Variants in DMD observed in about 807,000 individuals in gnomAD.
The protein encoded by DMD is mutant dystrophin.
In DMD, 63 loss-of-function variants were observed where a neutral mutation model predicts 330.1. The ratio of observed to expected loss-of-function variants is 0.19; its 90% CI spans 0.16 to 0.24. The LOEUF (loss-of-function observed/expected upper bound fraction) is 0.24, where lower values mean the gene tolerates loss of function less well. Among genes scored for constraint, DMD ranks in the 10% least tolerant of loss-of-function variants. DMD has a pLI of 1.00. For missense variants in DMD, 3,344 were observed against 2,684.1 expected (o/e 1.25, Z -5.43); for synonymous variants, 1,223 against 959.8 (o/e 1.27, Z -5.07).
intron 52 of DMD, among the ~76,000 whole-genome samples, chrX:31,712,305 T>C (rs769684328): frequency 9.0e-6 from 1 of 111,107 alleles, no homozygotes; most frequent in African/African-American, 3.3e-5. Flanking sequence ...GTTATAGTTA[T>C]CCTATGGGAA....
At chrX:32,443,470 C>G (rs1261662490) in intron 27 of DMD, among the ~76,000 whole-genome samples, 1 of 111,133 alleles carries the variant, frequency 9.0e-6, no homozygotes, top group African/African-American at 3.3e-5. Flanking sequence ...TCATTCTGGG[C>G]AAAGATCCCA....
At chrX:31,429,428 T>G (rs949322005) in intron 60 of DMD, among the ~76,000 whole-genome samples, 1 of 111,617 alleles carries the variant, frequency 9.0e-6, no homozygotes, top group Non-Finnish European at 1.9e-5. Context: ...TCACTTGGGA[T>G]GGCTGCGGAT....
chrX:31,752,953 C>T (rs2088719049), intron 51 of DMD, among the ~76,000 whole-genome samples: 1 of 112,045 alleles, frequency 8.9e-6, no homozygotes, highest in Admixed American at 9.5e-5. Flanking sequence ...ATGGAGAGGG[C>T]AATTTTCTCA....
intron 4 of DMD, among the ~76,000 whole-genome samples, chrX:32,843,412 C>T (rs1017925914): frequency 3.6e-5 from 4 of 111,557 alleles, no homozygotes; most frequent in Non-Finnish European, 5.6e-5. Flanking sequence ...ATTCTGGCTG[C>T]GGAGTGAAAA....
intron 2 of DMD, among the ~76,000 whole-genome samples, chrX:32,897,667 G>A (rs2085850201): frequency 2.7e-5 from 3 of 112,174 alleles, no homozygotes; most frequent in Admixed American, 1.9e-4. Flanking sequence ...TCTGGATTTT[G>A]TATTCATTTT....
intron 22 of DMD, among the ~76,000 whole-genome samples, chrX:32,469,454 A>C (rs2040390029): frequency 9.0e-6 from 1 of 111,221 alleles, no homozygotes; most frequent in African/African-American, 3.3e-5. Flanking sequence ...ATATATGATC[A>C]TGTATGCACA....
At chrX:33,070,721 A>G (rs1308009113) in intron 1 of DMD, among the ~76,000 whole-genome samples, 1 of 92,426 alleles carries the variant, frequency 1.1e-5, no homozygotes, top group African/African-American at 4.0e-5. Flanking sequence ...GTTCATATCT[A>G]TATCAATATT....
chrX:32,649,652 G>A (rs1193933004), intron 9 of DMD, among the ~76,000 whole-genome samples: 2 of 105,975 alleles, frequency 1.9e-5, no homozygotes, highest in East Asian at 3.1e-4. Context: ...GTCCAGCAAT[G>A]TCTAGAAAAA....
At chrX:31,129,341 G>A (rs1286749081) in intron 77 of DMD, among the ~76,000 whole-genome samples, 1 of 111,911 alleles carries the variant, frequency 8.9e-6, no homozygotes, top group East Asian at 2.8e-4. Flanking sequence ...CACACTTGCA[G>A]GCTCTTTGGT....
At chrX:31,289,275 AAATAAAAT>A (rs2053493581) in intron 62 of DMD, among the ~76,000 whole-genome samples, 1 of 79,275 alleles carries the variant, frequency 1.3e-5, no homozygotes. Context: ...ATAAAAAATA[AAATAAAAT>A]CCATCTCAAA....
chrX:31,804,597 C>G (rs2092223785), intron 50 of DMD, among the ~76,000 whole-genome samples: 1 of 111,981 alleles, frequency 8.9e-6, no homozygotes, highest in Non-Finnish European at 1.9e-5. Flanking sequence ...TCTAACATGT[C>G]TTAAAATGCA....
chrX:32,537,921 T>C (rs1477928774), intron 17 of DMD, among the ~76,000 whole-genome samples: 2 of 112,144 alleles, frequency 1.8e-5, no homozygotes, highest in Non-Finnish European at 3.8e-5. Flanking sequence ...TCCAAAGATA[T>C]AGTATCTCAT....
At chrX:32,092,698 C>G (rs778695065) in intron 44 of DMD, among the ~76,000 whole-genome samples, 1 of 89,370 alleles carries the variant, frequency 1.1e-5, no homozygotes, top group African/African-American at 4.3e-5. Context: ...TATACTTCCT[C>G]AAAAATGTTC....
chrX:33,331,083 C>G (rs1289733965), intron 1 of DMD, among the ~76,000 whole-genome samples: 1 of 112,205 alleles, frequency 8.9e-6, no homozygotes, highest in Non-Finnish European at 1.9e-5. Context: ...TAGAATTTAT[C>G]AATAAATATT....
intron 62 of DMD, among the ~76,000 whole-genome samples, chrX:31,310,930 C>T (rs1333198137): frequency 9.0e-6 from 1 of 110,612 alleles, no homozygotes; most frequent in Non-Finnish European, 1.9e-5. Context: ...ATTAATTGCC[C>T]AGATTGCTTT....
chrX:31,121,171 A>C lies in DMD; in HGVS notation c.*748T>G, dbSNP rs1191889808. 1 of 111,510 alleles carries C rather than the reference A, an allele frequency of 9.0e-6. No individual in the cohort carries two copies. Among genetic ancestry groups the C allele is most frequent in the Non-Finnish European group, 1.9e-5 (1 of 53,077 alleles). 9.2% of individuals were successfully genotyped at this position (111,510 alleles called of 1,213,427 possible). A position where few individuals can be genotyped will look rare whatever the true frequency, so the allele number is the denominator to read the frequency against. ...ACATGAACATTTAAAAAATGGAAAAAGTCAGTCTATAGAAATTCGTATCTC... is the reference window on the plus strand; with the variant it reads ...ACATGAACATTTAAAAAATGGAAAACGTCAGTCTATAGAAATTCGTATCTC... On this transcript the variant is annotated 3_prime_UTR_variant, in exon 79 of 79. Transcript: ENST00000357033.
intron 44 of DMD, among the ~76,000 whole-genome samples, chrX:32,056,136 A>C (rs766127388): frequency 2.7e-5 from 3 of 110,704 alleles, no homozygotes; most frequent in Non-Finnish European, 5.7e-5. Context: ...GTCACTATAA[A>C]AATAATTAAT....
intron 60 of DMD, among the ~76,000 whole-genome samples, chrX:31,421,928 TATATAC>T (rs2063406089): frequency 1.2e-5 from 1 of 80,110 alleles, no homozygotes; most frequent in Non-Finnish European, 2.1e-5. Context: ...TATATATATA[TATATAC>T]ACACACACAT....
At chrX:32,285,529 T>C (rs1355629834) in intron 43 of DMD, among the ~76,000 whole-genome samples, 1 of 111,617 alleles carries the variant, frequency 9.0e-6, no homozygotes, top group Non-Finnish European at 1.9e-5. Context: ...CCCTCCTGCC[T>C]CAGCCTCCCA....
Sources: allele counts gnomAD v4.1 joint callset (sites outside exome capture counted in the v4.1 genomes callset), GRCh38; gene constraint gnomAD v4.1.1; transcripts MANE v1.5; gene names NCBI Gene and HGNC (gene_info 2026-07-23, HGNC 2026-07-21).